NFAM1: variants seen among roughly 807,000 people sequenced by gnomAD.
The protein encoded by NFAM1 is NFAT activating protein with ITAM motif 1, also known as NFAT activation molecule 1.
In NFAM1, 17 loss-of-function variants were observed where a neutral mutation model predicts 29.0. That is an observed-to-expected ratio of 0.59 (90% confidence interval 0.40 to 0.88). NFAM1 has a LOEUF of 0.88. NFAM1 is among the 40% of genes least tolerant of loss of function. The pLI is 0.00. For missense variants in NFAM1, 324 were observed against 344.6 expected (o/e 0.94, Z 0.47); for synonymous variants, 175 against 147.2 (o/e 1.19, Z -1.36).
chr22:42,422,834 G>T (rs548113042), intron 1 of NFAM1, among the ~76,000 whole-genome samples: 45 of 151,886 alleles, frequency 3.0e-4, no homozygotes, highest in African/African-American at 9.9e-4. Flanking sequence ...AGGGGAACAG[G>T]CTGGGCGTGG....
At chr22:42,415,370 G>A (rs1006316679) in intron 1 of NFAM1, among the ~76,000 whole-genome samples, 2 of 143,296 alleles carry the variant, frequency 1.4e-5, no homozygotes, top group African/African-American at 5.3e-5. Context: ...CGCGATCTCA[G>A]CTCACTGCAA....
At chr22:42,432,881 C>T (rs552854410), upstream of NFAM1, among the ~76,000 whole-genome samples, 7 of 152,108 alleles carry the variant, frequency 4.6e-5, no homozygotes, top group East Asian at 1.4e-3. Flanking sequence ...TGTTCCCAGC[C>T]CTAGAGAGGG....
Position 42,409,362 on chromosome 22 carries a change from T to C in NFAM1, c.564+73A>G, listed in dbSNP as rs1601749306. On this transcript the variant is annotated intron_variant, in intron 3 of 5. Transcript: ENST00000329021. This position sits in a 1 kb window ranked among gnomAD's most constrained non-coding sequence, Gnocchi z 4.9. ...CCTCACCAGGGCCCACCAAACGCCC[T>C]GCAGAGGGCAGGCGGGCAGCCGGTG... 2.5e-6 allele frequency: 2 copies of C among 799,338 alleles called. No homozygotes were observed. The highest frequency in any genetic ancestry group is 5.9e-5 in the East Asian group (2 of 33,918). 49.5% of individuals were successfully genotyped at this position (799,338 alleles called of 1,614,324 possible).
At chr22:42,422,880 C>T (rs1056196979) in intron 1 of NFAM1, among the ~76,000 whole-genome samples, 1 of 151,332 alleles carries the variant, frequency 6.6e-6, no homozygotes, top group Admixed American at 6.6e-5. Context: ...TTTGGGAGGC[C>T]GAGGCGGGTG....
intron 4 of NFAM1, among the ~76,000 whole-genome samples, chr22:42,396,520 TG>T (rs1929532105): frequency 1.3e-5 from 2 of 151,884 alleles, no homozygotes; most frequent in African/African-American, 4.8e-5. Context: ...ATGTGTATGC[TG>T]GGGGAGAGGG....
At chr22:42,404,206 T>G (rs550297292) in intron 3 of NFAM1, among the ~76,000 whole-genome samples, 53 of 152,228 alleles carry the variant, frequency 3.5e-4, no homozygotes, top group African/African-American at 1.2e-3. Context: ...GGCAATGCCA[T>G]TCTTCCAGAC....
At chr22:42,429,081 A>G (rs1470745990) in intron 1 of NFAM1, among the ~76,000 whole-genome samples, 1 of 152,220 alleles carries the variant, frequency 6.6e-6, no homozygotes, top group Non-Finnish European at 1.5e-5. Context: ...GGCTGGGAGC[A>G]GGAGCAGGTA....
intron 1 of NFAM1, among the ~76,000 whole-genome samples, chr22:42,424,313 G>A (rs916625414): frequency 3.3e-5 from 5 of 152,140 alleles, no homozygotes; most frequent in Non-Finnish European, 5.9e-5. Context: ...TACTCGGGAG[G>A]CTGAGGCAGG....
rs1432978664 is a variant in NFAM1, at chr22:42,431,079, C to A, written c.121+1158G>T. Among the ~76,000 whole-genome samples, 3 of 152,200 alleles carry A rather than the reference C, an allele frequency of 2.0e-5. No individual in the cohort carries two copies. The East Asian group carries it at 5.8e-4, about 29-fold the overall frequency. On this transcript the variant is annotated intron_variant, in intron 1 of 5. Transcript: ENST00000329021. ...AGTTTCCGGTGAAGAACATTCTTTA[C>A]AAGTAAGAGGATCCTCTGAGCCTAC... is the stretch of plus-strand genomic sequence containing the variant.
At chr22:42,430,580 T>G (rs372542461) in intron 1 of NFAM1, among the ~76,000 whole-genome samples, 159 of 102,262 alleles carry the variant, frequency 1.6e-3, no homozygotes, top group African/African-American at 6.5e-3. Flanking sequence ...AAAAAAAAAA[T>G]CATGGGTGGG....
chr22:42,415,055 G>A (rs1172252435), intron 1 of NFAM1, among the ~76,000 whole-genome samples: 2 of 152,188 alleles, frequency 1.3e-5, no homozygotes, highest in Non-Finnish European at 2.9e-5. Flanking sequence ...GCCACAGCGA[G>A]GAGAGGCTTC....
chr22:42,432,398 G>A lies in NFAM1; in HGVS notation c.-41C>T, dbSNP rs141056812. ...TCTGCGGCGACTCTTTAGTTCACAG[G>A]AGGGGACGGCCGGCGCTGACAGCTT... On this transcript the variant is annotated 5_prime_UTR_variant, in exon 1 of 6. Transcript: ENST00000329021. The A allele has an allele frequency of 2.9e-4, 434 of 1,507,894 alleles. 6 individuals carry two copies. The African/African-American group carries it at 4.9e-3, about 17-fold the overall frequency. 93.4% of individuals were successfully genotyped at this position (1,507,894 alleles called of 1,614,324 possible).
intron 3 of NFAM1, among the ~76,000 whole-genome samples, chr22:42,404,614 C>T (rs1969640): frequency 0.028 from 4,262 of 152,218 alleles, 203 homozygotes; most frequent in African/African-American, 0.099. Flanking sequence ...ACTGGTGCTT[C>T]AGAAGTGCTC....
intron 1 of NFAM1, among the ~76,000 whole-genome samples, chr22:42,429,233 G>T (rs1324849345): frequency 6.6e-6 from 1 of 152,238 alleles, no homozygotes; most frequent in African/African-American, 2.4e-5. Context: ...TAGGCAGGCA[G>T]TGTTATCACA....
chr22:42,403,684 T>C (rs1929800426), intron 3 of NFAM1, among the ~76,000 whole-genome samples: 1 of 152,218 alleles, frequency 6.6e-6, no homozygotes, highest in South Asian at 2.1e-4. Context: ...AGCAAATGTT[T>C]ATTGAGGGCC....
intron 3 of NFAM1, among the ~76,000 whole-genome samples, chr22:42,400,156 G>T (rs1046512508): frequency 2.0e-5 from 3 of 152,256 alleles, no homozygotes; most frequent in African/African-American, 4.8e-5. Flanking sequence ...CGAGACAGGA[G>T]CTGGAGTTTT....
chr22:42,432,192 G>T, intron 1 of NFAM1, 45 bp downstream of exon 1: 1 of 1,507,558 alleles, frequency 6.6e-7, no homozygotes, highest in Non-Finnish European at 9.1e-7. Flanking sequence ...CCGCTCTGAT[G>T]TTCTGGAGCG....
At chr22:42,422,259 G>A (rs1930470251) in intron 1 of NFAM1, among the ~76,000 whole-genome samples, 2 of 152,148 alleles carry the variant, frequency 1.3e-5, no homozygotes, top group Admixed American at 1.3e-4. Context: ...TCGGGAATAA[G>A]CCTCACAAGG....
intron 4 of NFAM1, among the ~76,000 whole-genome samples, chr22:42,389,616 T>C (rs1352182105): frequency 1.9e-5 from 1 of 52,546 alleles, no homozygotes; most frequent in Non-Finnish European, 3.7e-5. Flanking sequence ...GGCTGGGGGT[T>C]GGGGGCTGGG....
Sources: allele counts gnomAD v4.1 joint callset (sites outside exome capture counted in the v4.1 genomes callset), GRCh38; gene constraint gnomAD v4.1.1; non-coding constraint Gnocchi (gnomAD v3.1); transcripts MANE v1.5; gene names NCBI Gene and HGNC (gene_info 2026-07-23, HGNC 2026-07-21).